Variants in LRRC37A2 observed in about 807,000 individuals in gnomAD.
The protein encoded by LRRC37A2 is leucine rich repeat containing 37 member A2.
A neutral mutation model predicts 68.8 loss-of-function variants in LRRC37A2; 9 were observed. The ratio of observed to expected loss-of-function variants is 0.13; its 90% confidence interval spans 0.08 to 0.23. The LOEUF is 0.23. Ranked by LOEUF, LRRC37A2 falls within the 10% of genes least tolerant of loss-of-function variation. The pLI is 1.00. For missense variants in LRRC37A2, 168 were observed against 950.4 expected, an observed-to-expected ratio of 0.18 and a Z score of 10.82; for synonymous variants, 63 against 367.6, an observed-to-expected ratio of 0.17 and a Z score of 9.48.
chr17:47,024,736 T>C, the LRRC37A2 span: 2 of 851,212 alleles, frequency 2.3e-6, no homozygotes, highest in Non-Finnish European at 4.1e-6. Context: ...GAAGGCCTGC[T>C]ATCCCTCCAG....
At chr17:46,965,793 T>C in the LRRC37A2 span, among the ~76,000 whole-genome samples, 1 of 149,868 alleles carries the variant, frequency 6.7e-6, no homozygotes, top group Non-Finnish European at 1.5e-5. Context: ...CAGCTAATTT[T>C]TGTATTTTTT....
the LRRC37A2 span, among the ~76,000 whole-genome samples, chr17:46,986,971 G>T: frequency 6.6e-6 from 1 of 151,940 alleles, no homozygotes; most frequent in Non-Finnish European, 1.5e-5. Context: ...GCAGGCCAGG[G>T]GGGGTGGCTC....
At chr17:46,744,377 T>G in the LRRC37A2 span, among the ~76,000 whole-genome samples, 1 of 152,194 alleles carries the variant, frequency 6.6e-6, no homozygotes, top group Admixed American at 6.5e-5. Context: ...AAAATAAAGT[T>G]TAATGCCCCC....
chr17:46,936,381 A>G, the LRRC37A2 span: 17 of 985,286 alleles, frequency 1.7e-5, no homozygotes, highest in Non-Finnish European at 1.9e-5. Context: ...GCGCTGGGGC[A>G]TCAGCACACC....
the LRRC37A2 span, among the ~76,000 whole-genome samples, chr17:46,863,373 C>T: frequency 4.6e-5 from 7 of 152,180 alleles, no homozygotes; most frequent in African/African-American, 1.4e-4. Flanking sequence ...GGGAGGAGCA[C>T]GCATCTGGAC....
chr17:46,822,472 A>G, the LRRC37A2 span, among the ~76,000 whole-genome samples: 1 of 152,218 alleles, frequency 6.6e-6, no homozygotes, highest in African/African-American at 2.4e-5. Flanking sequence ...GTGCACGCGG[A>G]GGTCGGCTCA....
the LRRC37A2 span, among the ~76,000 whole-genome samples, chr17:46,802,058 G>C: frequency 1.1e-4 from 17 of 152,200 alleles, no homozygotes; most frequent in African/African-American, 4.1e-4. Flanking sequence ...GTGCTCGCCT[G>C]TACGCATGTT....
At chr17:47,018,264 A>G in the LRRC37A2 span, 1 of 1,611,532 alleles carries the variant, frequency 6.2e-7, no homozygotes, top group Non-Finnish European at 8.5e-7. Context: ...ACTTTCCATC[A>G]GTGAGCAGCA....
the LRRC37A2 span, among the ~76,000 whole-genome samples, chr17:46,974,817 C>T: frequency 2.0e-5 from 3 of 152,086 alleles, no homozygotes; most frequent in Non-Finnish European, 4.4e-5. Context: ...CCTCAGGCAA[C>T]CTCTTGGAGC....
the LRRC37A2 span, among the ~76,000 whole-genome samples, chr17:46,458,861 A>G: frequency 2.9e-5 from 3 of 104,686 alleles, 1 homozygote; most frequent in African/African-American, 1.0e-4. Context: ...ATTGTAAACC[A>G]TGGATCCTTG....
the LRRC37A2 span, chr17:46,955,522 AACAAGAGTCAAATAAAG>A: frequency 6.6e-6 from 1 of 152,148 alleles, no homozygotes; most frequent in Admixed American, 6.5e-5. Context: ...TTCTTATCTC[AACAAGAGTCAAATAAAG>A]ACTTGAAAAG....
chr17:46,936,234 C>G, the LRRC37A2 span: 5 of 985,436 alleles, frequency 5.1e-6, no homozygotes, highest in East Asian at 5.7e-4. Flanking sequence ...CTTTAGAAAA[C>G]TGCTACTCTC....
At chr17:46,729,452 G>A in the LRRC37A2 span, among the ~76,000 whole-genome samples, 1 of 152,130 alleles carries the variant, frequency 6.6e-6, no homozygotes, top group South Asian at 2.1e-4. Context: ...CCAGGATCTT[G>A]ATTCCTGTGT....
At chr17:46,890,140 C>T in the LRRC37A2 span, among the ~76,000 whole-genome samples, 1 of 152,206 alleles carries the variant, frequency 6.6e-6, no homozygotes, top group Non-Finnish European at 1.5e-5. Flanking sequence ...CTCCTCGCTC[C>T]TCTTCCCTCC....
chr17:46,874,901 C>G, the LRRC37A2 span: 1 of 798,174 alleles, frequency 1.3e-6, no homozygotes, highest in Non-Finnish European at 2.1e-6. Context: ...TAAATGGCAA[C>G]TTGCAGTCAG....
At chr17:46,847,839 T>G in the LRRC37A2 span, among the ~76,000 whole-genome samples, 7 of 152,178 alleles carry the variant, frequency 4.6e-5, no homozygotes, top group Admixed American at 1.3e-4. Flanking sequence ...GAGGGTTTGT[T>G]TCAGGCAGGG....
chr17:46,900,202 T>TACACATACATATATATATATACACACAC, the LRRC37A2 span, among the ~76,000 whole-genome samples: 1 of 101,172 alleles, frequency 9.9e-6, no homozygotes, highest in African/African-American at 5.1e-5. Flanking sequence ...TATATATATA[T>TACACATACATATATATATATACACACAC]ACACACACAC....
At chr17:47,019,580 G>A in the LRRC37A2 span, 222 of 1,465,880 alleles carry the variant, frequency 1.5e-4, 1 homozygote, top group Middle Eastern at 1.3e-3. Flanking sequence ...CACCTACTGT[G>A]CTAGAACCTA....
the LRRC37A2 span, among the ~76,000 whole-genome samples, chr17:46,633,812 A>C: frequency 8.4e-6 from 1 of 118,578 alleles, no homozygotes; most frequent in Non-Finnish European, 1.6e-5. Context: ...GAGGGAAACA[A>C]CTAAGCTCTT....
Sources: gnomAD v4.1 joint callset for allele counts (sites outside exome capture counted in the v4.1 genomes callset) on GRCh38, gnomAD v4.1.1 for gene constraint, MANE v1.5 for transcripts, NCBI Gene and HGNC (gene_info 2026-07-23, HGNC 2026-07-21) for gene names.